RAP1A: variants seen among roughly 807,000 people sequenced by gnomAD.
RAP1A encodes the protein RAP1A, member of RAS oncogene family.
In RAP1A, 6 loss-of-function variants were observed where a neutral mutation model predicts 26.4. The observed-to-expected ratio is 0.23, with a 90% confidence interval of 0.12 to 0.45. The LOEUF (loss-of-function observed/expected upper bound fraction) is 0.45, where lower values mean the gene tolerates loss of function less well. Among genes scored for constraint, RAP1A ranks in the 20% least tolerant of loss-of-function variants. RAP1A has a pLI of 0.99. For missense variants in RAP1A, 121 were observed against 217.2 expected, an observed-to-expected ratio of 0.56 and a Z score of 2.78; for synonymous variants, 73 against 79.4, an observed-to-expected ratio of 0.92 and a Z score of 0.43.
At chr1:111,631,585 TC>T (rs2101104159) in intron 1 of RAP1A, among the ~76,000 whole-genome samples, 1 of 152,308 alleles carries the variant, frequency 6.6e-6, no homozygotes, top group Admixed American at 6.5e-5. Flanking sequence ...GTAGTAAACT[TC>T]CAGAAGAAGG....
intron 1 of RAP1A, among the ~76,000 whole-genome samples, chr1:111,678,402 G>A (rs1312519395): frequency 6.6e-6 from 1 of 152,038 alleles, no homozygotes; most frequent in African/African-American, 2.4e-5. Context: ...TCAATTTTCA[G>A]TTCTTTGCCA....
At chr1:111,647,710 C>CT (rs58515698) in intron 1 of RAP1A, among the ~76,000 whole-genome samples, 90 of 144,266 alleles carry the variant, frequency 6.2e-4, no homozygotes, top group East Asian at 8.0e-4. Context: ...GGCTCTAGAT[C>CT]TTTTTTTTTT....
chr1:111,687,542 C>G (rs1179425065), intron 1 of RAP1A, among the ~76,000 whole-genome samples: 1 of 152,096 alleles, frequency 6.6e-6, no homozygotes, highest in Non-Finnish European at 1.5e-5. Context: ...AGTGGTTGCT[C>G]TGGGACTTAC....
intron 1 of RAP1A, among the ~76,000 whole-genome samples, chr1:111,554,139 T>C (rs1320938060): frequency 6.6e-6 from 1 of 152,240 alleles, no homozygotes; most frequent in African/African-American, 2.4e-5. Flanking sequence ...ATGCCTCAGT[T>C]TCTCCATCTT....
At chr1:111,678,896 T>C (rs1206354429) in intron 1 of RAP1A, among the ~76,000 whole-genome samples, 4 of 152,204 alleles carry the variant, frequency 2.6e-5, no homozygotes, top group African/African-American at 4.8e-5. Context: ...GTTTTACTTC[T>C]TCCTTTTGCA....
At chr1:111,604,026 C>T (rs1658723090) in intron 1 of RAP1A, among the ~76,000 whole-genome samples, 3 of 152,182 alleles carry the variant, frequency 2.0e-5, no homozygotes. Flanking sequence ...TACAATGTGC[C>T]ATCCCAAACC....
rs923539667 is a variant in RAP1A, at chr1:111,647,413, A to G, written c.-28+27479A>G. 9.9e-5 allele frequency among the ~76,000 whole-genome samples: 15 copies of G among 152,266 alleles called. No homozygotes were observed. In the South Asian group the frequency reaches 1.5e-3, roughly 15 times the overall value. ...TGTAATAATAATAGAAAGAAAGTGC[A>G]CAATAAATGTAATGCGTTTGAATCA... On this transcript the variant is annotated intron_variant, in intron 1 of 7. Transcript: ENST00000369709.
chr1:111,629,337 A>T (rs1298394360), intron 1 of RAP1A, among the ~76,000 whole-genome samples: 1 of 152,164 alleles, frequency 6.6e-6, no homozygotes, highest in Non-Finnish European at 1.5e-5. Context: ...GAACCTGACT[A>T]GAGCTCTACT....
chr1:111,616,377 AT>A (rs1659014728), upstream of RAP1A, among the ~76,000 whole-genome samples: 1 of 152,208 alleles, frequency 6.6e-6, no homozygotes, highest in Non-Finnish European at 1.5e-5. Flanking sequence ...ATATACCGTG[AT>A]GAGGACAGAA....
chr1:111,581,248 T>C (rs891084829), intron 1 of RAP1A, among the ~76,000 whole-genome samples: 2 of 151,752 alleles, frequency 1.3e-5, no homozygotes, highest in African/African-American at 4.8e-5. Context: ...CTGGAGAAAA[T>C]AGCATATTTT....
chr1:111,654,434 T>G (rs1199838111), intron 1 of RAP1A, among the ~76,000 whole-genome samples: 1 of 152,212 alleles, frequency 6.6e-6, no homozygotes, highest in East Asian at 1.9e-4. Context: ...AATAGAGTGC[T>G]TAGGAGCCAG....
intron 1 of RAP1A, among the ~76,000 whole-genome samples, chr1:111,569,406 A>C (rs1185283762): frequency 6.6e-6 from 1 of 151,864 alleles, no homozygotes; most frequent in Admixed American, 6.6e-5. Flanking sequence ...AAAAAAAAAA[A>C]AAAAGTTACA....
chr1:111,634,650 T>G (rs1214728145), intron 1 of RAP1A, among the ~76,000 whole-genome samples: 14 of 151,680 alleles, frequency 9.2e-5, no homozygotes, highest in Non-Finnish European at 1.9e-4. Context: ...TTTATTTTAT[T>G]CATTTATTTT....
At chr1:111,562,149 G>T (rs1460192040) in intron 1 of RAP1A, among the ~76,000 whole-genome samples, 1 of 151,980 alleles carries the variant, frequency 6.6e-6, no homozygotes, top group Non-Finnish European at 1.5e-5. Flanking sequence ...TTTCTTGTGG[G>T]CAACGTGGAC....
At chr1:111,695,893 A>G (rs1005759019) in intron 3 of RAP1A, among the ~76,000 whole-genome samples, 53 of 152,232 alleles carry the variant, frequency 3.5e-4, no homozygotes, top group Admixed American at 3.0e-3. Context: ...TACCATGCCA[A>G]AAGAAAATCC....
chr1:111,613,051 A>G (rs1412761367), intron 1 of RAP1A, among the ~76,000 whole-genome samples: 1 of 152,174 alleles, frequency 6.6e-6, no homozygotes, highest in Non-Finnish European at 1.5e-5. Flanking sequence ...ATTTAAAGCT[A>G]TGTAGCCTCA....
At chr1:111,605,695 G>C (rs1235416423) in intron 1 of RAP1A, among the ~76,000 whole-genome samples, 1 of 152,146 alleles carries the variant, frequency 6.6e-6, no homozygotes, top group East Asian at 1.9e-4. Flanking sequence ...CAAAGTCTTG[G>C]CCTAAGAACA....
intron 1 of RAP1A, among the ~76,000 whole-genome samples, chr1:111,563,354 T>A (rs1657822052): frequency 6.6e-6 from 1 of 152,208 alleles, no homozygotes; most frequent in South Asian, 2.1e-4. Flanking sequence ...ACTGTCTATC[T>A]GGGGAGATAA....
At chr1:111,682,896 T>TA (rs2101214750) in intron 1 of RAP1A, among the ~76,000 whole-genome samples, 1 of 152,284 alleles carries the variant, frequency 6.6e-6, no homozygotes, top group African/African-American at 2.4e-5. Flanking sequence ...ACATAACACT[T>TA]ATTCTAAAAT....
Sources: allele counts gnomAD v4.1 joint callset (sites outside exome capture counted in the v4.1 genomes callset), GRCh38; gene constraint gnomAD v4.1.1; transcripts MANE v1.5; gene names NCBI Gene and HGNC (gene_info 2026-07-23, HGNC 2026-07-21).